Variants in PLCD1 observed in about 807,000 individuals in gnomAD.
PLCD1 encodes 1-phosphatidylinositol 4,5-bisphosphate phosphodiesterase delta-1.
A neutral mutation model predicts 87.4 loss-of-function variants in PLCD1; 71 were observed. The observed-to-expected ratio is 0.81, with a 90% CI of 0.67 to 0.99. The LOEUF (loss-of-function observed/expected upper bound fraction) is 0.99. Ranked by LOEUF, PLCD1 falls within the 50% of genes least tolerant of loss-of-function variation. The pLI, the probability that PLCD1 is intolerant of heterozygous loss-of-function variation, is 0.00. For missense variants in PLCD1, 867 were observed against 1,001.5 expected (o/e 0.87, Z 1.81); for synonymous variants, 348 against 399.2 (o/e 0.87, Z 1.53).
chr3:38,010,657 T>C (rs1700058698), intron 5 of PLCD1, 95 bp from the exon 6 acceptor site: 2 of 970,456 alleles, frequency 2.1e-6, no homozygotes, highest in South Asian at 1.5e-5. Flanking sequence ...CTGAACCCGC[T>C]TGCCTGCCTG....
chr3:38,023,608 C>T (rs1193327048), intron 1 of PLCD1, among the ~76,000 whole-genome samples: 2 of 152,044 alleles, frequency 1.3e-5, no homozygotes, highest in Admixed American at 1.3e-4. Flanking sequence ...TGAAACTTTA[C>T]GCAGCCACTG....
intron 1 of PLCD1, chr3:38,024,460 C>T: frequency 6.2e-7 from 1 of 1,600,318 alleles, no homozygotes; most frequent in Non-Finnish European, 8.5e-7. Context: ...CCTGCCTGCG[C>T]GGAGCCGGGT....
At position 38,007,576 on chromosome 3, in the gene PLCD1, C is replaced by T. The variant is rs1037677977; in HGVS notation, c.*197G>A. On this transcript the variant is annotated 3_prime_UTR_variant, in exon 15 of 15. Transcript: ENST00000334661. ...GAGAGGGCTGCAGTGTTATTCCTAACGGAATGAAGGACAGCTCCAGGGACT... is the reference window on the plus strand; with the variant it reads ...GAGAGGGCTGCAGTGTTATTCCTAATGGAATGAAGGACAGCTCCAGGGACT... 55 of 699,104 alleles carry T rather than the reference C, an allele frequency of 7.9e-5. No individual in the cohort carries two copies. The highest frequency in any genetic ancestry group is 5.8e-4 in the Admixed American group (29 of 49,918). 43.3% of individuals were successfully genotyped at this position (699,104 alleles called of 1,614,324 possible). A position where few individuals can be genotyped will look rare whatever the true frequency, so the allele number is the denominator to read the frequency against.
intron 10 of PLCD1, 37 bp from the exon 11 acceptor site, chr3:38,009,195 T>C (rs750767238): frequency 6.2e-7 from 1 of 1,612,566 alleles, no homozygotes; most frequent in East Asian, 2.2e-5. Flanking sequence ...AGTGGAGGCC[T>C]CCTGGTGAGG....
At chr3:38,019,631 G>A (rs1279591585) in intron 2 of PLCD1, among the ~76,000 whole-genome samples, 1 of 152,060 alleles carries the variant, frequency 6.6e-6, no homozygotes, top group East Asian at 1.9e-4. Context: ...TGGGTTCCTT[G>A]GTCTTTTTAG....
In PLCD1 at chr3:38,007,513, T is replaced by A. The variant is rs1297477824; in HGVS notation, c.*260A>T. On this transcript the variant is annotated 3_prime_UTR_variant, in exon 15 of 15. Transcript: ENST00000334661. ...CACAAGGCTTAATCTTATCGTGATT[T>A]TTATAAAAATCCTTGACCACTCGCT... is the stretch of plus-strand genomic sequence containing the variant. 9.2e-6 allele frequency: 6 copies of A among 653,364 alleles called. No individual in the cohort carries two copies. Among genetic ancestry groups the A allele is most frequent in the Non-Finnish European group, 1.7e-5 (6 of 356,212 alleles). The allele number at this position is 653,364 out of a possible 1,614,324, so 40.5% of individuals were successfully genotyped here.
In PLCD1 at chr3:38,007,601, T is replaced by G; in HGVS notation, c.*172A>C. The G allele has an allele frequency of 1.4e-6, 1 of 703,924 alleles. No individual in the cohort carries two copies. The highest frequency in any genetic ancestry group is 1.5e-5 in the South Asian group (1 of 66,740). 43.6% of individuals were successfully genotyped at this position (703,924 alleles called of 1,614,324 possible). ...CGGAATGAAGGACAGCTCCAGGGAC[T>G]GGGCTAGCTCCTGGTCCCCAGGGAG... On this transcript the variant is annotated 3_prime_UTR_variant, in exon 15 of 15. Coordinates refer to ENST00000334661, the MANE Select transcript of PLCD1 (RefSeq NM_006225.4).
intron 7 of PLCD1, 26 bp from the exon 8 acceptor site, chr3:38,010,079 G>A: frequency 1.9e-6 from 3 of 1,614,196 alleles, no homozygotes; most frequent in Non-Finnish European, 2.5e-6. Flanking sequence ...CACATTAGGA[G>A]TGGTGGGCCA....
rs369057177 is a variant in PLCD1, at chr3:38,009,635, C to T, written c.1446+18G>A. ...GGGGAAGGCCCGGGCTGCCCCACCC[C>T]ACAGCTCCCCCTCAAACCTTGGGCT... On this transcript the variant is annotated intron_variant, in intron 9 of 14. Coordinates refer to ENST00000334661, the MANE Select transcript of PLCD1 (RefSeq NM_006225.4). 1 of 1,614,024 alleles carries T rather than the reference C, an allele frequency of 6.2e-7. No homozygotes were observed. The highest frequency in any genetic ancestry group is 8.5e-7 in the Non-Finnish European group (1 of 1,179,946).
intron 11 of PLCD1, 70 bp from the exon 12 acceptor site, chr3:38,008,706 G>A (rs750230270): frequency 1.3e-5 from 18 of 1,369,614 alleles, no homozygotes; most frequent in Non-Finnish European, 1.8e-5. Context: ...CCTGCTCAGG[G>A]TACACTAAGG....
At position 38,025,332 on chromosome 3, in the gene PLCD1, A is replaced by G. The variant is rs561762520; in HGVS notation, c.34+4174T>C. Reference sequence around the variant, plus strand: ...CACCTTTGAGGCTGGCGCAGAACCGAAGGGCTGAGTCTGGGGAGAAAAGCT... The same window carrying G: ...CACCTTTGAGGCTGGCGCAGAACCGGAGGGCTGAGTCTGGGGAGAAAAGCT... On this transcript the variant is annotated intron_variant, in intron 1 of 14. Coordinates refer to ENST00000334661, the MANE Select transcript of PLCD1 (RefSeq NM_006225.4). The surrounding 1 kb of genome is among the most constrained non-coding windows in gnomAD (Gnocchi z 4.0). Among the ~76,000 whole-genome samples the G allele has an allele frequency of 6.6e-6, 1 of 152,270 alleles. No individual in the cohort carries two copies. The highest frequency in any genetic ancestry group is 1.9e-4 in the East Asian group (1 of 5,166).
intron 9 of PLCD1, 30 bp downstream of exon 9, chr3:38,009,623 G>C: frequency 6.2e-7 from 1 of 1,613,278 alleles, no homozygotes; most frequent in Non-Finnish European, 8.5e-7. Context: ...GAAGGCCCGG[G>C]CTGCCCCACC....
In PLCD1 at chr3:38,007,789, A is replaced by C; in HGVS notation, c.2255T>G (p.Ile752Ser). 6.2e-7 allele frequency: 1 copy of C among 1,614,026 alleles called. No individual in the cohort carries two copies. The highest frequency in any genetic ancestry group is 8.5e-7 in the Non-Finnish European group (1 of 1,179,918). ...QHPSATLFVK[I>S]SLQD ...TCCTCCAGCCTAGTCCTGGAGGGAG[A>C]TCTTCACAAAGAGGGTGGCTGATGG... The change falls in exon 15 of 15, where the codon ATC becomes AGC. Residue 752 changes from isoleucine to serine, a missense_variant. By Grantham distance (142) the Ile-to-Ser change is moderately radical. Transcript: ENST00000334661.
Position 38,009,344 on chromosome 3 carries a change from T to C in PLCD1, c.1534A>G (p.Thr512Ala). The C allele has an allele frequency of 5.6e-6, 9 of 1,613,676 alleles. No individual in the cohort carries two copies. Among genetic ancestry groups the C allele is most frequent in the Non-Finnish European group, 7.6e-6 (9 of 1,179,736 alleles). Residue 512 changes from threonine (T) to alanine (A), a missense_variant, in exon 10 of 15, where the codon ACC (threonine) becomes GCC (alanine). Thr to Ala is a moderately conservative substitution (Grantham distance 58). Transcript: ENST00000334661. Reference protein sequence around the residue: ...VHFGGFSSPGTPGQAFYEMAS... With the variant: ...VHFGGFSSPGAPGQAFYEMAS... ...ATCTCGTAGAAGGCCTGTCCAGGGG[T>C]GCCAGGACTGGAGAAGCCCCCAAAG...
intron 3 of PLCD1, among the ~76,000 whole-genome samples, chr3:38,012,060 C>G (rs371395337): frequency 2.8e-5 from 4 of 140,910 alleles, no homozygotes; most frequent in Middle Eastern, 3.8e-3. Context: ...CAAGATCTCA[C>G]TCTGTCGCCC....
intron 3 of PLCD1, among the ~76,000 whole-genome samples, 158 bp from the exon 4 acceptor site, chr3:38,011,831 T>TGTTACGCCCC (rs57948844): frequency 1.3e-5 from 2 of 151,920 alleles, no homozygotes; most frequent in Non-Finnish European, 2.9e-5. Context: ...CAGAGGAAAA[T>TGTTACGCCCC]GTTAAGGGGT....
intron 10 of PLCD1, 42 bp from the exon 11 acceptor site, chr3:38,009,200 G>T: frequency 6.2e-7 from 1 of 1,609,332 alleles, no homozygotes; most frequent in African/African-American, 1.3e-5. Context: ...AGGCCTCCTG[G>T]TGAGGCCCAA....
At position 38,011,565 on chromosome 3, in the gene PLCD1, G is replaced by A; in HGVS notation, c.537C>T (p.Ser179=). Residue 179 remains serine, a synonymous_variant, in exon 4 of 15, where the codon AGC becomes AGT. Coordinates refer to ENST00000334661, the MANE Select transcript of PLCD1 (RefSeq NM_006225.4). ...TCACCCTGAAGATCTTCCGGGCATA[G>A]CTGTCGTCCACCTGGATGTTGAGCT... ...LKELNIQVDD[S]YARKIFRECD... 1 of 1,614,198 alleles carries A rather than the reference G, an allele frequency of 6.2e-7. No individual in the cohort carries two copies. Among genetic ancestry groups the A allele is most frequent in the Non-Finnish European group, 8.5e-7 (1 of 1,180,018 alleles).
Position 38,007,722 on chromosome 3 carries a change from TG to T in PLCD1, c.*50del. 1 of 1,351,402 alleles carries T rather than the reference TG, an allele frequency of 7.4e-7. No individual in the cohort carries two copies. Among genetic ancestry groups the T allele is most frequent in the Non-Finnish European group, 1.1e-6 (1 of 941,760 alleles). The allele number at this position is 1,351,402 out of a possible 1,614,324, so 83.7% of individuals were successfully genotyped here. The stretch of plus-strand genomic sequence containing the variant: ...GCCACACCAGCCCTGTCCCCACATG[TG>T]GACAGAGGGCCCAGCCCACTCAGGG... On this transcript the variant is annotated 3_prime_UTR_variant, in exon 15 of 15. Transcript: ENST00000334661.
Sources: gnomAD v4.1 joint callset for allele counts (sites outside exome capture counted in the v4.1 genomes callset) on GRCh38, gnomAD v4.1.1 for gene constraint, Gnocchi (gnomAD v3.1) non-coding constraint, MANE v1.5 for transcripts, NCBI Gene and HGNC (gene_info 2026-07-23, HGNC 2026-07-21) for gene names.